The following ZNF521 variants were observed in gnomAD, a reference collection of about 807,000 sequenced individuals.
The protein encoded by ZNF521 is LYST-interacting protein 3.
Under a neutral mutation model 105.5 loss-of-function variants are expected in ZNF521, and 14 were observed. That is an observed-to-expected ratio of 0.13 (90% CI 0.09 to 0.21). The LOEUF (loss-of-function observed/expected upper bound fraction) is 0.21. Among genes scored for constraint, ZNF521 ranks in the 10% least tolerant of loss-of-function variants. The probability of loss-of-function intolerance (pLI) is 1.00; values close to 1 mark genes in which losing one functional copy is unlikely to be tolerated. For missense variants in ZNF521, 1,233 were observed against 1,629.7 expected, an observed-to-expected ratio of 0.76 and a Z score of 4.19; for synonymous variants, 635 against 606.0, an observed-to-expected ratio of 1.05 and a Z score of -0.70.
chr18:25,212,312 C>T (rs1215939368), intron 4 of ZNF521, among the ~76,000 whole-genome samples: 2 of 150,950 alleles, frequency 1.3e-5, no homozygotes, highest in Non-Finnish European at 3.0e-5. Context: ...CAGTTCGAGA[C>T]CAGCCTGGCC....
chr18:25,212,976 T>A (rs1156874235), intron 4 of ZNF521, among the ~76,000 whole-genome samples: 2 of 151,672 alleles, frequency 1.3e-5, no homozygotes, highest in Non-Finnish European at 2.9e-5. Context: ...GCAAATATAT[T>A]ACCTGTATAT....
intron 5 of ZNF521, among the ~76,000 whole-genome samples, chr18:25,168,476 T>A (rs1244639845): frequency 6.6e-6 from 1 of 152,042 alleles, no homozygotes; most frequent in African/African-American, 2.4e-5. Flanking sequence ...ACTGAAAAGG[T>A]GTAGTGTGCA....
At chr18:25,106,339 T>C (rs953660375) in intron 5 of ZNF521, among the ~76,000 whole-genome samples, 3 of 152,054 alleles carry the variant, frequency 2.0e-5, no homozygotes, top group African/African-American at 7.2e-5. Flanking sequence ...GAAAACCATA[T>C]ACTGTACAGC....
At chr18:25,323,197 A>C (rs992725723) in intron 2 of ZNF521, among the ~76,000 whole-genome samples, 4 of 152,108 alleles carry the variant, frequency 2.6e-5, no homozygotes, top group South Asian at 2.1e-4. Context: ...TTCCAGTAGC[A>C]AAAACTCCTC....
rs1444387465 is a variant in ZNF521 at position 25,117,062 on chromosome 18, C to CACACACACACACACATATATAT, written c.3659-24982_3659-24981insATATATATGTGTGTGTGTGTGT. ...ACACACACACATATATATACACACA[C>CACACACACACACACATATATAT]ACACACACACACACACACACATACA... On this transcript the variant is annotated intron_variant, in intron 5 of 7. Coordinates refer to ENST00000361524, the MANE Select transcript of ZNF521 (RefSeq NM_015461.3). 2.6e-4 allele frequency among the ~76,000 whole-genome samples: 3 copies of CACACACACACACACATATATAT among 11,550 alleles called. 1 individual carries two copies. The highest frequency in any genetic ancestry group is 1.5e-3 in the Non-Finnish European group (2 of 1,360). The allele number at this position is 11,550 out of a possible 152,430, so 7.6% of individuals were successfully genotyped here.
At chr18:25,149,639 C>T (rs557707592) in intron 5 of ZNF521, among the ~76,000 whole-genome samples, 9 of 152,184 alleles carry the variant, frequency 5.9e-5, no homozygotes, top group Non-Finnish European at 1.3e-4. Context: ...ACAGGCAGCA[C>T]TCTCATTGAG....
chr18:25,086,197 T>C (rs1342385591), intron 7 of ZNF521, among the ~76,000 whole-genome samples: 2 of 152,168 alleles, frequency 1.3e-5, no homozygotes, highest in Admixed American at 6.5e-5. Flanking sequence ...GATCCTATTT[T>C]CTATTGTCAC....
intron 5 of ZNF521, among the ~76,000 whole-genome samples, chr18:25,151,616 T>C (rs369198918): frequency 7.9e-5 from 12 of 152,044 alleles, no homozygotes; most frequent in African/African-American, 2.9e-4. Context: ...ACTTTTATCG[T>C]TTCTTTCAAC....
At chr18:25,294,770 G>A (rs141928762) in intron 3 of ZNF521, among the ~76,000 whole-genome samples, 103 of 140,992 alleles carry the variant, frequency 7.3e-4, no homozygotes, top group Middle Eastern at 8.1e-3. Context: ...CAGGAGAATC[G>A]CTTGAACCCA....
At chr18:25,094,094 T>G (rs1270866817) in intron 5 of ZNF521, among the ~76,000 whole-genome samples, 1 of 152,202 alleles carries the variant, frequency 6.6e-6, no homozygotes, top group Non-Finnish European at 1.5e-5. Flanking sequence ...CCTATGGATA[T>G]GAACTGATAT....
intron 3 of ZNF521, among the ~76,000 whole-genome samples, chr18:25,308,193 CAAAAAAAAAAAA>C (rs756580169): frequency 2.3e-4 from 7 of 31,096 alleles, no homozygotes; most frequent in East Asian, 1.4e-3. Flanking sequence ...GACTGCATCT[CAAAAAAAAAAAA>C]AAAAAAAAAA....
At chr18:25,297,686 A>G (rs916190083) in intron 3 of ZNF521, among the ~76,000 whole-genome samples, 4 of 152,084 alleles carry the variant, frequency 2.6e-5, no homozygotes, top group Non-Finnish European at 5.9e-5. Flanking sequence ...TGGTCACAGA[A>G]TAGACACAAA....
intron 3 of ZNF521, among the ~76,000 whole-genome samples, chr18:25,231,782 T>C (rs1049966854): frequency 2.0e-5 from 3 of 152,230 alleles, no homozygotes; most frequent in African/African-American, 7.2e-5. Context: ...TTAATTTGTG[T>C]AGGACATACA....
chr18:25,253,489 A>G (rs974469706), intron 3 of ZNF521, among the ~76,000 whole-genome samples: 48 of 152,190 alleles, frequency 3.2e-4, no homozygotes, highest in African/African-American at 1.2e-3. Context: ...CCTTCTATGT[A>G]GCAAACTTGA....
intron 6 of ZNF521, 102 bp downstream of exon 6, chr18:25,091,848 C>A (rs1257784498): frequency 3.5e-6 from 5 of 1,411,760 alleles, no homozygotes; most frequent in Non-Finnish European, 4.7e-6. Flanking sequence ...GAACTGAAGT[C>A]ATGTCTGTAA....
intron 5 of ZNF521, among the ~76,000 whole-genome samples, chr18:25,182,635 C>T (rs1461898414): frequency 6.6e-6 from 1 of 152,116 alleles, no homozygotes; most frequent in Non-Finnish European, 1.5e-5. Context: ...ACTTCCACTG[C>T]ATCATAATGA....
intron 5 of ZNF521, among the ~76,000 whole-genome samples, chr18:25,179,223 G>A (rs751942141): frequency 3.0e-5 from 4 of 131,460 alleles, no homozygotes; most frequent in African/African-American, 5.8e-5. Context: ...GTGTGATCTC[G>A]GCTCACTGCA....
chr18:25,245,107 T>G (rs1280735121), intron 3 of ZNF521, among the ~76,000 whole-genome samples: 2 of 152,234 alleles, frequency 1.3e-5, no homozygotes, highest in Non-Finnish European at 2.9e-5. Context: ...TTTTCATTGA[T>G]CTCATTTTTG....
chr18:25,098,918 A>G (rs948626004), intron 5 of ZNF521, among the ~76,000 whole-genome samples: 1 of 152,176 alleles, frequency 6.6e-6, no homozygotes, highest in Admixed American at 6.5e-5. Flanking sequence ...CATTTCACAT[A>G]ACAGACTAGA....
Sources: allele counts gnomAD v4.1 joint callset (sites outside exome capture counted in the v4.1 genomes callset), GRCh38; gene constraint gnomAD v4.1.1; transcripts MANE v1.5; gene names NCBI Gene and HGNC (gene_info 2026-07-23, HGNC 2026-07-21).